The following SLC2A14 variants were observed in gnomAD, a reference collection of about 807,000 sequenced individuals.
SLC2A14 encodes solute carrier family 2 member 14, also known as solute carrier family 2, facilitated glucose transporter member 14.
A neutral mutation model predicts 43.0 loss-of-function variants in SLC2A14; 13 were observed. The ratio of observed to expected loss-of-function variants is 0.30; its 90% CI spans 0.20 to 0.48. The LOEUF is 0.48. SLC2A14 is among the 20% of genes least tolerant of loss of function. SLC2A14 has a pLI of 0.99. For missense variants in SLC2A14, 428 were observed against 620.4 expected, an observed-to-expected ratio of 0.69 and a Z score of 3.29; for synonymous variants, 190 against 233.8, an observed-to-expected ratio of 0.81 and a Z score of 1.71.
At chr12:7,869,629 G>C in intron 2 of SLC2A14, among the ~76,000 whole-genome samples, 1 of 152,162 alleles carries the variant, frequency 6.6e-6, no homozygotes, top group Non-Finnish European at 1.5e-5. Flanking sequence ...CATTCGTCTT[G>C]TTCTTGATAA....
chr12:7,848,005 T>C lies in SLC2A14; in HGVS notation c.19-15191A>G, dbSNP rs1011009222. Among the ~76,000 whole-genome samples the C allele has an allele frequency of 4.0e-5, 6 of 151,814 alleles. No homozygotes were observed. In the South Asian group the frequency reaches 6.3e-4, roughly 16 times the overall value. ...CACGAGCAAACCCAGGGACCTGAAA[T>C]AGATGTAGAGACACAGGAGGAGAGA... is the stretch of plus-strand genomic sequence containing the variant. On this transcript the variant is annotated intron_variant, in intron 2 of 10. Transcript: ENST00000431042.
chr12:7,822,115 C>G (rs1406076627), intron 7 of SLC2A14, among the ~76,000 whole-genome samples: 2 of 151,632 alleles, frequency 1.3e-5, no homozygotes, highest in African/African-American at 4.8e-5. Context: ...TGAGCCACCA[C>G]GCCTGGCCAA....
At chr12:7,826,301 C>T (rs1864354242) in intron 7 of SLC2A14, among the ~76,000 whole-genome samples, 1 of 151,328 alleles carries the variant, frequency 6.6e-6, no homozygotes, top group South Asian at 2.1e-4. Context: ...ATTCCCACCT[C>T]AACCTCTGAG....
intron 10 of SLC2A14, among the ~76,000 whole-genome samples, chr12:7,816,575 AT>A (rs1414590996): frequency 6.7e-6 from 1 of 149,966 alleles, no homozygotes; most frequent in East Asian, 2.0e-4. Flanking sequence ...CAAAAGATAT[AT>A]TCTTAAACTG....
At chr12:7,829,722 C>T (rs746111121) in intron 5 of SLC2A14, 44 bp downstream of exon 5, 2 of 1,605,828 alleles carry the variant, frequency 1.2e-6, no homozygotes, top group East Asian at 4.5e-5. Flanking sequence ...TTTTTAATGA[C>T]CCATGAAACT....
chr12:7,886,381 T>C (rs769981785), intron 1 of SLC2A14, among the ~76,000 whole-genome samples: 3 of 105,938 alleles, frequency 2.8e-5, no homozygotes, highest in African/African-American at 1.0e-4. Flanking sequence ...TTTATTTATT[T>C]ATTTATTTTG....
At chr12:7,873,597 G>T (rs1462833455), upstream of SLC2A14, 2 of 152,746 alleles carry the variant, frequency 1.3e-5, no homozygotes, top group African/African-American at 2.4e-5. Flanking sequence ...GCTGAACTCC[G>T]CCATTGCACT....
chr12:7,826,438 G>A (rs756547785), intron 7 of SLC2A14, among the ~76,000 whole-genome samples: 1 of 152,196 alleles, frequency 6.6e-6, no homozygotes, highest in Admixed American at 6.6e-5. Flanking sequence ...GTGTTAGGTA[G>A]GAGAAAAGGC....
At chr12:7,842,527 T>C (rs1384334466) in intron 2 of SLC2A14, among the ~76,000 whole-genome samples, 5 of 152,198 alleles carry the variant, frequency 3.3e-5, no homozygotes, top group Non-Finnish European at 7.3e-5. Flanking sequence ...ATTGCTTGCA[T>C]GAAGTGAAGA....
upstream of SLC2A14, among the ~76,000 whole-genome samples, chr12:7,878,214 C>A (rs1048799426): frequency 4.6e-5 from 7 of 151,816 alleles, no homozygotes; most frequent in Admixed American, 1.3e-4. Flanking sequence ...CCACGCCTGG[C>A]TAAGTTTTGT....
chr12:7,878,991 AAAAAAAAAAAAAAAC>A (rs1565587487), intron 1 of SLC2A14, among the ~76,000 whole-genome samples: 1 of 91,602 alleles, frequency 1.1e-5, no homozygotes, highest in Non-Finnish European at 2.4e-5. Flanking sequence ...AAAAAAAAAA[AAAAAAAAAAAAAAAC>A]AATTTGTCTT....
At chr12:7,883,235 A>G (rs1240036629) in intron 1 of SLC2A14, among the ~76,000 whole-genome samples, 2 of 148,666 alleles carry the variant, frequency 1.3e-5, no homozygotes, top group African/African-American at 4.9e-5. Context: ...ACCAAACAAA[A>G]CCACAAATGC....
At chr12:7,822,244 C>T (rs758954753) in intron 7 of SLC2A14, among the ~76,000 whole-genome samples, 1 of 151,910 alleles carries the variant, frequency 6.6e-6, no homozygotes, top group East Asian at 2.0e-4. Flanking sequence ...CAGGCGTGAG[C>T]CACTGCACCT....
At chr12:7,871,699 C>A (rs3923481) in intron 1 of SLC2A14, among the ~76,000 whole-genome samples, 1 of 151,602 alleles carries the variant, frequency 6.6e-6, no homozygotes, top group African/African-American at 2.4e-5. Context: ...TGGGCTGCTC[C>A]CCAAGGAGGA....
intron 2 of SLC2A14, among the ~76,000 whole-genome samples, chr12:7,850,256 A>G (rs1866816193): frequency 1.3e-5 from 2 of 152,144 alleles, no homozygotes; most frequent in Non-Finnish European, 2.9e-5. Flanking sequence ...AGTCCAGTTT[A>G]GCTGAGGAAT....
At chr12:7,863,258 C>A in intron 2 of SLC2A14, 1 of 388,056 alleles carries the variant, frequency 2.6e-6, no homozygotes, top group Non-Finnish European at 5.2e-6. Flanking sequence ...TGCAGCTTCA[C>A]TCCTGAGCCA....
At chr12:7,869,187 C>T (rs763793088) in intron 2 of SLC2A14, among the ~76,000 whole-genome samples, 1 of 151,538 alleles carries the variant, frequency 6.6e-6, no homozygotes, top group Non-Finnish European at 1.5e-5. Flanking sequence ...CTCTGCTTCT[C>T]TAAGTGTCAC....
chr12:7,883,263 C>CT lies in SLC2A14; in HGVS notation c.132+7732dup, dbSNP rs372464881. On this transcript the variant is annotated intron_variant, in intron 1 of 9. Coordinates refer to the SLC2A14 transcript ENST00000539924. ...ACAAATGCTTTCTTTTTCTTTCTTT[C>CT]TTTTTTTTTTTTTTTTTTTTTTGAG... Among the ~76,000 whole-genome samples, 867 of 108,414 alleles carry CT rather than the reference C, an allele frequency of 8.0e-3. 10 individuals are homozygous for CT. Among genetic ancestry groups the CT allele is most frequent in the South Asian group, 0.012 (36 of 2,952 alleles). The allele number at this position is 108,414 out of a possible 152,430, so 71.1% of individuals were successfully genotyped here.
At chr12:7,881,627 G>A (rs1456443660) in intron 1 of SLC2A14, among the ~76,000 whole-genome samples, 1 of 152,160 alleles carries the variant, frequency 6.6e-6, no homozygotes, top group Non-Finnish European at 1.5e-5. Context: ...CACGCGCCCA[G>A]TCCCATCGAC....
Sources: gnomAD v4.1 joint callset for allele counts (sites outside exome capture counted in the v4.1 genomes callset) on GRCh38, gnomAD v4.1.1 for gene constraint, MANE v1.5 for transcripts, NCBI Gene and HGNC (gene_info 2026-07-23, HGNC 2026-07-21) for gene names.